The following DOCK2 variants were observed in gnomAD, a reference collection of about 807,000 sequenced individuals.
DOCK2 encodes the protein dedicator of cytokinesis protein 2.
In DOCK2, 87 loss-of-function variants were observed where a neutral mutation model predicts 248.9. The ratio of observed to expected loss-of-function variants is 0.35; its 90% CI spans 0.29 to 0.42. DOCK2 has a LOEUF of 0.42. DOCK2 is among the 10% of genes least tolerant of loss of function. DOCK2 has a pLI of 1.00. For synonymous variants in DOCK2, 805 were observed against 821.6 expected (o/e 0.98, Z 0.35); for missense variants, 1,747 against 2,300.2 (o/e 0.76, Z 4.92).
chr5:170,045,963 C>T (rs530452030), intron 39 of DOCK2, 58 bp downstream of exon 39: 3 of 1,534,492 alleles, frequency 2.0e-6, no homozygotes, highest in East Asian at 2.2e-5. Flanking sequence ...AGGGCCTCAG[C>T]TCACCCCAGA....
chr5:169,857,975 G>A (rs547662570), intron 27 of DOCK2, among the ~76,000 whole-genome samples: 68 of 152,298 alleles, frequency 4.5e-4, no homozygotes, highest in African/African-American at 1.5e-3. Flanking sequence ...TGAGGATAGA[G>A]AGAATTGTTT....
At chr5:170,070,388 C>T (rs975883405) in intron 46 of DOCK2, among the ~76,000 whole-genome samples, 3 of 152,242 alleles carry the variant, frequency 2.0e-5, no homozygotes, top group African/African-American at 7.2e-5. Context: ...CCTTCTCTGC[C>T]TCTGCCAATT....
At position 169,681,856 on chromosome 5, in the gene DOCK2, A is replaced by G. The variant is rs780554962; in HGVS notation, c.583A>G (p.Thr195Ala). The change falls in exon 7 of 52, where the codon ACA becomes GCA. Residue 195 changes from threonine (T) to alanine (A), a missense_variant. Coordinates refer to ENST00000520908, the MANE Select transcript of DOCK2 (RefSeq NM_004946.3). Reference protein sequence around the residue: ...HAHEEATDKITERIKEEMSKD... With the variant: ...HAHEEATDKIAERIKEEMSKD... Reference sequence around the variant, plus strand: ...ACATGAGGAAGCAACTGATAAAATCACAGAGCGTATCAAAGAAGAAATGGT... The same window carrying G: ...ACATGAGGAAGCAACTGATAAAATCGCAGAGCGTATCAAAGAAGAAATGGT... 5 of 1,614,060 alleles carry G rather than the reference A, an allele frequency of 3.1e-6. No homozygotes were observed. Among genetic ancestry groups the G allele is most frequent in the South Asian group, 2.2e-5 (2 of 91,056 alleles).
At position 169,711,916 on chromosome 5, in the gene DOCK2, T is replaced by C; in HGVS notation, c.1483-19T>C. 6.2e-7 allele frequency: 1 copy of C among 1,612,678 alleles called. No individual in the cohort carries two copies. Among genetic ancestry groups the C allele is most frequent in the South Asian group, 1.1e-5 (1 of 91,054 alleles). ...CCCTTTAACTCATTGTGTTCTGAGC[T>C]CTGTTTCTGTCTGCTGAGGTGGCTG... is the stretch of plus-strand genomic sequence containing the variant. On this transcript the variant is annotated intron_variant, in intron 15 of 51. Coordinates refer to ENST00000520908, the MANE Select transcript of DOCK2 (RefSeq NM_004946.3).
rs79638821 is a variant in DOCK2 at position 169,938,706 on chromosome 5, G to A, written c.2800-44362G>A. ...TATCAACACTGTACACTTAGGCTATGCTACATTTATTAAAAATATTTTTTC... is the reference window on the plus strand; with the variant it reads ...TATCAACACTGTACACTTAGGCTATACTACATTTATTAAAAATATTTTTTC... On this transcript the variant is annotated intron_variant, in intron 27 of 51. Transcript: ENST00000520908. Among the ~76,000 whole-genome samples the A allele has an allele frequency of 0.012, 1,869 of 152,236 alleles. 76 individuals are homozygous for A. In the East Asian group the frequency reaches 0.13, roughly 11 times the overall value.
At chr5:170,025,805 T>TTCCA (rs1369062286) in intron 33 of DOCK2, among the ~76,000 whole-genome samples, 12 of 78,228 alleles carry the variant, frequency 1.5e-4, no homozygotes, top group African/African-American at 6.4e-4. Flanking sequence ...CCTTCCTTCC[T>TTCCA]TCCTTCCTTC....
chr5:169,792,588 A>G (rs1000360780), intron 25 of DOCK2, among the ~76,000 whole-genome samples: 12 of 152,092 alleles, frequency 7.9e-5, no homozygotes, highest in African/African-American at 2.9e-4. Flanking sequence ...CTGGGACTGC[A>G]GGTGCATGCC....
chr5:170,022,223 C>T (rs10043419), intron 33 of DOCK2, among the ~76,000 whole-genome samples: 29,659 of 152,136 alleles, frequency 0.19, 3,436 homozygotes, highest in African/African-American at 0.32. Flanking sequence ...GCTTTCCTGC[C>T]TCCTGGGGCA....
rs534999387 is a variant in DOCK2 at position 169,657,004 on chromosome 5, G to T, written c.127+2518G>T. On this transcript the variant is annotated intron_variant, in intron 2 of 51. Transcript: ENST00000520908. ...TCACAATAACTTGCTGGAAAAAGCT[G>T]GATATATTCATTGGTAAATGGCTAA... Among the ~76,000 whole-genome samples the T allele has an allele frequency of 3.3e-5, 5 of 152,222 alleles. No individual in the cohort carries two copies. In the South Asian group the frequency reaches 1.0e-3, roughly 32 times the overall value.
chr5:169,877,864 ATC>A (rs1162961066), intron 27 of DOCK2, among the ~76,000 whole-genome samples: 1 of 152,114 alleles, frequency 6.6e-6, no homozygotes, highest in Non-Finnish European at 1.5e-5. Flanking sequence ...TACATGGCCA[ATC>A]TCTCTCTTCA....
At position 169,952,713 on chromosome 5, in the gene DOCK2, C is replaced by T. The variant is rs572490807; in HGVS notation, c.2800-30355C>T. The stretch of plus-strand genomic sequence containing the variant: ...TATCATGCTCCAGCCAGCCTTGCCC[C>T]TGGAATGGAGACATCTCAGGTAGGG... On this transcript the variant is annotated intron_variant, in intron 27 of 51. Transcript: ENST00000520908. 2.6e-5 allele frequency among the ~76,000 whole-genome samples: 4 copies of T among 152,326 alleles called. No individual in the cohort carries two copies. In the East Asian group the frequency reaches 7.7e-4, roughly 29 times the overall value.
intron 29 of DOCK2, among the ~76,000 whole-genome samples, chr5:169,993,150 T>A (rs757430372): frequency 3.3e-5 from 5 of 152,240 alleles, no homozygotes; most frequent in Non-Finnish European, 7.3e-5. Context: ...ATCTGGGGGA[T>A]CAGATAACTA....
At chr5:169,986,519 A>T (rs1229732460) in intron 29 of DOCK2, among the ~76,000 whole-genome samples, 1 of 152,228 alleles carries the variant, frequency 6.6e-6, no homozygotes, top group Non-Finnish European at 1.5e-5. Flanking sequence ...GCCCAACACA[A>T]CAAGAGATAA....
chr5:169,767,177 G>A (rs763790459), intron 25 of DOCK2, among the ~76,000 whole-genome samples: 3 of 152,318 alleles, frequency 2.0e-5, no homozygotes, highest in East Asian at 3.9e-4. Context: ...CTTGTTGGCT[G>A]CATGTATGTC....
chr5:170,021,799 G>C (rs1755738320), intron 33 of DOCK2, among the ~76,000 whole-genome samples: 1 of 152,100 alleles, frequency 6.6e-6, no homozygotes, highest in African/African-American at 2.4e-5. Context: ...TTTGGTTCAG[G>C]GTAAGCAGTC....
At chr5:169,817,456 A>G (rs193255807) in intron 26 of DOCK2, among the ~76,000 whole-genome samples, 2 of 152,326 alleles carry the variant, frequency 1.3e-5, no homozygotes, top group African/African-American at 2.4e-5. Flanking sequence ...CTTATTAGAA[A>G]CTAACTTCGG....
chr5:170,037,621 A>G (rs10069084), intron 36 of DOCK2, among the ~76,000 whole-genome samples: 7,329 of 151,630 alleles, frequency 0.048, 375 homozygotes, highest in African/African-American at 0.13. Flanking sequence ...CGAGTAGCTG[A>G]GACTACAGGC....
intron 27 of DOCK2, among the ~76,000 whole-genome samples, chr5:169,915,788 A>G (rs538132036): frequency 2.0e-5 from 3 of 152,348 alleles, no homozygotes; most frequent in Non-Finnish European, 4.4e-5. Context: ...TACATATGGA[A>G]ATCAATGATA....
In DOCK2 at chr5:170,057,579, G is replaced by T. The variant is rs780500387; in HGVS notation, c.4381-1G>T. The T allele has an allele frequency of 6.2e-7, 1 of 1,613,888 alleles. No individual in the cohort carries two copies. The highest frequency in any genetic ancestry group is 8.5e-7 in the Non-Finnish European group (1 of 1,179,766). On this transcript the variant is annotated splice_acceptor_variant, in intron 43 of 51. Transcript: ENST00000520908. LOFTEE classifies it high-confidence loss of function. The stretch of plus-strand genomic sequence containing the variant: ...CTTGCCACCCCTCTGCCCACGGACA[G>T]TCCATGTGGATTGAGAGAACCTCCT...
Sources: allele counts gnomAD v4.1 joint callset (sites outside exome capture counted in the v4.1 genomes callset), GRCh38; gene constraint gnomAD v4.1.1; transcripts MANE v1.5; gene names NCBI Gene and HGNC (gene_info 2026-07-23, HGNC 2026-07-21).